Variants in SCHIP1 observed in about 807,000 individuals in gnomAD.
The protein encoded by SCHIP1 is schwannomin-interacting protein 1.
In SCHIP1, 8 loss-of-function variants were observed where a neutral mutation model predicts 29.7. The observed-to-expected ratio is 0.27, with a 90% confidence interval of 0.16 to 0.49. The LOEUF is 0.49. SCHIP1 is among the 20% of genes least tolerant of loss of function. The pLI, the probability that SCHIP1 is intolerant of heterozygous loss-of-function variation, is 0.99. For missense variants in SCHIP1, 193 were observed against 294.6 expected, an observed-to-expected ratio of 0.66 and a Z score of 2.52; for synonymous variants, 76 against 94.9, an observed-to-expected ratio of 0.80 and a Z score of 1.16.
the SCHIP1 span, among the ~76,000 whole-genome samples, chr3:159,371,156 T>TAA: frequency 6.6e-6 from 1 of 152,122 alleles, no homozygotes; most frequent in South Asian, 2.1e-4. Flanking sequence ...ACTTGGAACA[T>TAA]AAAAGACACT....
chr3:159,572,051 A>G, the SCHIP1 span, among the ~76,000 whole-genome samples: 1 of 151,706 alleles, frequency 6.6e-6, no homozygotes, highest in Non-Finnish European at 1.5e-5. Flanking sequence ...CAGTCTGTCA[A>G]TTTTGTTGAT....
At chr3:159,299,226 C>G in the SCHIP1 span, among the ~76,000 whole-genome samples, 4 of 152,166 alleles carry the variant, frequency 2.6e-5, no homozygotes, top group Admixed American at 6.5e-5. Flanking sequence ...TTTGCTCTCT[C>G]AAAACTGTCA....
chr3:159,304,729 A>G, the SCHIP1 span, among the ~76,000 whole-genome samples: 1 of 152,234 alleles, frequency 6.6e-6, no homozygotes, highest in East Asian at 1.9e-4. Context: ...CTTCTTTGTA[A>G]TGCCTTCAGA....
chr3:159,672,692 A>G, the SCHIP1 span, among the ~76,000 whole-genome samples: 1 of 152,218 alleles, frequency 6.6e-6, no homozygotes, highest in South Asian at 2.1e-4. Context: ...ATTTAATCCC[A>G]AGTGTCATTA....
At chr3:159,777,135 T>A in the SCHIP1 span, among the ~76,000 whole-genome samples, 1 of 152,240 alleles carries the variant, frequency 6.6e-6, no homozygotes, top group Non-Finnish European at 1.5e-5. Context: ...AACATACATA[T>A]ACATTTGTGA....
the SCHIP1 span, among the ~76,000 whole-genome samples, chr3:159,770,556 G>A: frequency 6.6e-6 from 1 of 152,174 alleles, no homozygotes; most frequent in African/African-American, 2.4e-5. Flanking sequence ...ACTGTGCCGG[G>A]CCTGAATATA....
the SCHIP1 span, among the ~76,000 whole-genome samples, chr3:159,507,306 C>T: frequency 1.3e-5 from 2 of 152,110 alleles, no homozygotes; most frequent in African/African-American, 4.8e-5. Context: ...GTGATTTTTG[C>T]ACATTGATTT....
chr3:159,593,114 TG>T, the SCHIP1 span, among the ~76,000 whole-genome samples: 1 of 152,128 alleles, frequency 6.6e-6, no homozygotes, highest in Admixed American at 6.6e-5. Context: ...ACAATTGTTG[TG>T]ATAATTTAAA....
chr3:159,664,670 T>A, the SCHIP1 span, among the ~76,000 whole-genome samples: 2 of 152,194 alleles, frequency 1.3e-5, no homozygotes, highest in East Asian at 3.8e-4. Context: ...GGAAGGTGTG[T>A]TCAGAGGCCT....
At chr3:159,888,070 T>C (rs564789679) in intron 4 of SCHIP1, 165 bp downstream of exon 5, 115 of 975,006 alleles carry the variant, frequency 1.2e-4, no homozygotes, top group Admixed American at 2.6e-4. Flanking sequence ...TCCTTCCTAC[T>C]GTAGGACTGA....
the SCHIP1 span, among the ~76,000 whole-genome samples, chr3:159,322,890 G>A: frequency 6.6e-6 from 1 of 152,186 alleles, no homozygotes; most frequent in Admixed American, 6.5e-5. Context: ...ATGGAACTCT[G>A]TTCTGAAAGA....
chr3:159,451,634 G>T, the SCHIP1 span, among the ~76,000 whole-genome samples: 2 of 152,220 alleles, frequency 1.3e-5, no homozygotes, highest in Non-Finnish European at 2.9e-5. Context: ...GTCAACAATT[G>T]TTCAATTGCT....
At chr3:159,327,737 G>A in the SCHIP1 span, among the ~76,000 whole-genome samples, 4 of 152,126 alleles carry the variant, frequency 2.6e-5, no homozygotes, top group Non-Finnish European at 5.9e-5. Flanking sequence ...TACACATTGT[G>A]GAATGAGACT....
chr3:159,786,316 C>A, the SCHIP1 span, among the ~76,000 whole-genome samples: 1 of 152,128 alleles, frequency 6.6e-6, no homozygotes, highest in Non-Finnish European at 1.5e-5. Context: ...ACCTCTAAAT[C>A]ATCTATGATA....
chr3:159,615,839 T>C, the SCHIP1 span, among the ~76,000 whole-genome samples: 5 of 152,336 alleles, frequency 3.3e-5, no homozygotes, highest in African/African-American at 1.2e-4. Flanking sequence ...CAGAGAACTA[T>C]GTCAAAATGA....
chr3:159,727,708 G>A, the SCHIP1 span, among the ~76,000 whole-genome samples: 2 of 152,262 alleles, frequency 1.3e-5, no homozygotes, highest in East Asian at 3.9e-4. Flanking sequence ...ACAAAGCAAA[G>A]TGTAGCCAAC....
At chr3:159,393,837 C>T in the SCHIP1 span, among the ~76,000 whole-genome samples, 1 of 152,072 alleles carries the variant, frequency 6.6e-6, no homozygotes, top group African/African-American at 2.4e-5. Context: ...GTAGTTTTTG[C>T]CAATTCCATG....
chr3:159,511,340 G>C, the SCHIP1 span, among the ~76,000 whole-genome samples: 1 of 152,208 alleles, frequency 6.6e-6, no homozygotes. Flanking sequence ...GGGTGGGAGT[G>C]ACCGGATTTT....
chr3:159,498,597 A>G, the SCHIP1 span, among the ~76,000 whole-genome samples: 1 of 152,092 alleles, frequency 6.6e-6, no homozygotes, highest in African/African-American at 2.4e-5. Context: ...AACATTAGGG[A>G]AAGGGACAAT....
Sources: allele counts gnomAD v4.1 joint callset (sites outside exome capture counted in the v4.1 genomes callset), GRCh38; gene constraint gnomAD v4.1.1; transcripts MANE v1.5; gene names NCBI Gene and HGNC (gene_info 2026-07-23, HGNC 2026-07-21).